DNAH8: variants seen among roughly 807,000 people sequenced by gnomAD.
The protein encoded by DNAH8 is dynein axonemal heavy chain 8.
DNAH8 carries 382 observed loss-of-function variants against 562.1 expected under a neutral mutation model. The ratio of observed to expected loss-of-function variants is 0.68; its 90% confidence interval spans 0.63 to 0.74. The LOEUF (loss-of-function observed/expected upper bound fraction) is 0.74. DNAH8 is among the 30% of genes least tolerant of loss of function. DNAH8 has a pLI of 0.00. For missense variants in DNAH8, 5,203 were observed against 5,620.4 expected (o/e 0.93, Z 2.37); for synonymous variants, 1,881 against 1,919.4 (o/e 0.98, Z 0.52).
chr6:38,804,759 A>AAGAGAGAGAGAGAGAGAGAGAG (rs137967997), intron 22 of DNAH8, among the ~76,000 whole-genome samples: 1 of 111,066 alleles, frequency 9.0e-6, no homozygotes, highest in Non-Finnish European at 2.0e-5. Flanking sequence ...ACATAGCAAG[A>AAGAGAGAGAGAGAGAGAGAGAG]AGAGAGAGAG....
rs781128315 is a variant in DNAH8 at position 38,803,304 on chromosome 6, ACAGT to A, written c.3031_3034del (p.Ser1011AsnfsTer25). The A allele has an allele frequency of 1.6e-5, 25 of 1,599,486 alleles. No individual in the cohort carries two copies. The highest frequency in any genetic ancestry group is 4.5e-5 in the East Asian group (2 of 44,556). The stretch of plus-strand genomic sequence containing the variant: ...TGAAATACACTGGGAAAGTAGGAAA[ACAGT>A]CAGGTAACTTTTCTCGTTACTGTGT... On this transcript the variant is annotated frameshift_variant, in exon 22 of 93. Coordinates refer to ENST00000327475, the MANE Select transcript of DNAH8 (RefSeq NM_001206927.2). LOFTEE classifies it high-confidence loss of function.
intron 60 of DNAH8, among the ~76,000 whole-genome samples, chr6:38,897,693 A>C (rs1779795554): frequency 6.6e-6 from 1 of 152,136 alleles, no homozygotes; most frequent in Non-Finnish European, 1.5e-5. Flanking sequence ...AGGTAGGAGG[A>C]GCCATAGAGC....
chr6:38,720,053 T>C (rs906244823), intron 1 of DNAH8, among the ~76,000 whole-genome samples: 3 of 152,078 alleles, frequency 2.0e-5, no homozygotes, highest in African/African-American at 7.2e-5. Context: ...GAATTGGACT[T>C]TCATAGCATG....
intron 41 of DNAH8, among the ~76,000 whole-genome samples, chr6:38,854,830 G>GTATA (rs144448046): frequency 4.7e-5 from 7 of 149,790 alleles, no homozygotes; most frequent in African/African-American, 1.7e-4. Flanking sequence ...GTGTATGTGT[G>GTATA]TATATATATA....
chr6:38,737,111 T>A lies in DNAH8; in HGVS notation c.807T>A (p.Asn269Lys). The change falls in exon 6 of 93, where the codon AAT becomes AAA. Residue 269 changes from asparagine (N) to lysine (K), a missense_variant. Physicochemically the swap from Asn to Lys is moderately conservative, Grantham distance 94. Coordinates refer to ENST00000327475, the MANE Select transcript of DNAH8 (RefSeq NM_001206927.2). ...TGGATGCGTCGAAAGGACTCTTAAA[T>A]GGAATTAGGGATATGTTGGCAAATA... ...TVLDASKGLL[N>K]GIRDMLANIF... The A allele has an allele frequency of 6.3e-7, 1 of 1,575,368 alleles. No individual in the cohort carries two copies.
chr6:38,843,059 A>G (rs1196166631), intron 35 of DNAH8, among the ~76,000 whole-genome samples, 156 bp downstream of exon 35: 1 of 152,224 alleles, frequency 6.6e-6, no homozygotes, highest in Non-Finnish European at 1.5e-5. Context: ...CTTGACTTTT[A>G]TGAAATAATC....
At chr6:38,825,084 G>A (rs1427098106) in intron 28 of DNAH8, among the ~76,000 whole-genome samples, 1 of 152,152 alleles carries the variant, frequency 6.6e-6, no homozygotes, top group East Asian at 1.9e-4. Flanking sequence ...TTGGAGAGTG[G>A]CATCTAAAAA....
intron 3 of DNAH8, among the ~76,000 whole-genome samples, chr6:38,724,294 T>C (rs1331852750): frequency 1.3e-5 from 2 of 152,180 alleles, no homozygotes; most frequent in Non-Finnish European, 2.9e-5. Flanking sequence ...TTGAATGGTA[T>C]TTCTAATCAG....
intron 35 of DNAH8, among the ~76,000 whole-genome samples, chr6:38,844,081 A>G (rs1239621745): frequency 6.6e-6 from 1 of 152,080 alleles, no homozygotes; most frequent in Admixed American, 6.5e-5. Flanking sequence ...AGTTGCCTAG[A>G]TGGCAGCTAG....
intron 68 of DNAH8, among the ~76,000 whole-genome samples, chr6:38,916,443 T>C (rs1033801494): frequency 6.6e-6 from 1 of 152,200 alleles, no homozygotes; most frequent in African/African-American, 2.4e-5. Flanking sequence ...GAAATCCTTA[T>C]GTAGGGTAAT....
chr6:38,883,110 T>C, intron 54 of DNAH8, 58 bp downstream of exon 54: 1 of 1,451,172 alleles, frequency 6.9e-7, no homozygotes, highest in Non-Finnish European at 9.2e-7. Context: ...CACGGGAATA[T>C]GCACCCATAT....
At chr6:38,861,195 G>A (rs1489299100) in intron 43 of DNAH8, among the ~76,000 whole-genome samples, 5 of 152,160 alleles carry the variant, frequency 3.3e-5, no homozygotes, top group Non-Finnish European at 5.9e-5. Flanking sequence ...AAGTGCTGCT[G>A]TTACTTTAAG....
rs9380785 is a variant in DNAH8, at chr6:38,837,783, T to C, written c.4366-159T>C. On this transcript the variant is annotated intron_variant, in intron 32 of 92. Transcript: ENST00000327475. ...TTTCCTAAGTGTTTAACTTTTTCTC[T>C]GATAGCTTGGTATCAGTATAAATTT... Among the ~76,000 whole-genome samples the C allele has an allele frequency of 0.29, 43,686 of 152,162 alleles. 6,572 individuals carry two copies. Among genetic ancestry groups the C allele is most frequent in the East Asian group, 0.41 (2,117 of 5,188 alleles).
At position 39,030,482 on chromosome 6, in the gene DNAH8, G is replaced by C. The variant is rs761545283; in HGVS notation, c.*90G>C. On this transcript the variant is annotated 3_prime_UTR_variant, in exon 93 of 93. Transcript: ENST00000327475. ...GTGATGTGTGTGTCTTTTCTCCCCA[G>C]TAATTCCTTAATTACTCTTTCTACA... The C allele has an allele frequency of 8.5e-7, 1 of 1,169,878 alleles. No homozygotes were observed. Among genetic ancestry groups the C allele is most frequent in the Non-Finnish European group, 1.2e-6 (1 of 828,348 alleles). 72.5% of individuals were successfully genotyped at this position (1,169,878 alleles called of 1,614,324 possible). A position where few individuals can be genotyped will look rare whatever the true frequency, so the allele number is the denominator to read the frequency against.
chr6:38,805,933 G>A lies in DNAH8; in HGVS notation c.3150+337G>A, dbSNP rs9380780. On this transcript the variant is annotated intron_variant, in intron 23 of 92. Coordinates refer to ENST00000327475, the MANE Select transcript of DNAH8 (RefSeq NM_001206927.2). ...ATGGAGAACTTTGTTCTCAGTTGTT[G>A]TGTTTAATGGTTATCTGTATTGCAA... Among the ~76,000 whole-genome samples the A allele has an allele frequency of 0.091, 13,887 of 152,228 alleles. 824 individuals are homozygous for A. Among genetic ancestry groups the A allele is most frequent in the East Asian group, 0.21 (1,077 of 5,180 alleles).
At position 38,926,134 on chromosome 6, in the gene DNAH8, G is replaced by C; in HGVS notation, c.11042G>C (p.Arg3681Thr). The change falls in exon 74 of 93, where the codon AGA (arginine) becomes ACA (threonine). Residue 3681 changes from arginine (R) to threonine (T), a missense_variant. Physicochemically the swap from Arg to Thr is moderately conservative, Grantham distance 71 (BLOSUM62 -1). Coordinates refer to ENST00000327475, the MANE Select transcript of DNAH8 (RefSeq NM_001206927.2). ...QNGIIVTKAT[R>T]YPLLIDPQTQ... ...GGCATTATTGTGACAAAGGCCACCA[G>C]ATACCCACTCCTCATAGACCCACAA... 6.2e-7 allele frequency: 1 copy of C among 1,613,818 alleles called. No homozygotes were observed. The highest frequency in any genetic ancestry group is 8.5e-7 in the Non-Finnish European group (1 of 1,179,808).
chr6:39,025,777 A>G (rs1209875693), intron 91 of DNAH8, among the ~76,000 whole-genome samples: 2 of 152,058 alleles, frequency 1.3e-5, no homozygotes, highest in Admixed American at 6.6e-5. Context: ...GATTTTTAAT[A>G]TTTACATGGA....
chr6:38,941,839 T>G (rs1257888982), intron 79 of DNAH8, among the ~76,000 whole-genome samples: 1 of 152,154 alleles, frequency 6.6e-6, no homozygotes, highest in Non-Finnish European at 1.5e-5. Context: ...AAGCCTCATA[T>G]CTATGCACCA....
intron 14 of DNAH8, 150 bp from the exon 15 acceptor site, chr6:38,779,816 C>A: frequency 1.3e-6 from 1 of 749,758 alleles, no homozygotes; most frequent in Non-Finnish European, 2.3e-6. Flanking sequence ...AGGACTGTAC[C>A]TCCTATCTCG....
Sources: gnomAD v4.1 joint callset for allele counts (sites outside exome capture counted in the v4.1 genomes callset) on GRCh38, gnomAD v4.1.1 for gene constraint, MANE v1.5 for transcripts, NCBI Gene and HGNC (gene_info 2026-07-23, HGNC 2026-07-21) for gene names.